The following CSMD3 variants were observed in gnomAD, a reference collection of about 807,000 sequenced individuals.
CSMD3 encodes the protein CUB and Sushi multiple domains 3, also known as CUB and sushi domain-containing protein 3.
Under a neutral mutation model 435.2 loss-of-function variants are expected in CSMD3, and 177 were observed. The ratio of observed to expected loss-of-function variants is 0.41; its 90% confidence interval spans 0.36 to 0.46. The LOEUF is 0.46. Ranked by LOEUF, CSMD3 falls within the 20% of genes least tolerant of loss-of-function variation. The pLI is 0.34. For missense variants in CSMD3, 4,265 were observed against 4,504.6 expected (o/e 0.95, Z 1.52); for synonymous variants, 1,656 against 1,520.5 (o/e 1.09, Z -2.07).
intron 32 of CSMD3, among the ~76,000 whole-genome samples, chr8:112,421,386 T>C (rs1169744120): frequency 6.6e-6 from 1 of 151,244 alleles, no homozygotes; most frequent in Non-Finnish European, 1.5e-5. Context: ...CTACTAAAAA[T>C]ACAAAAAATT....
chr8:112,587,337 G>T, intron 22 of CSMD3, 102 bp from the exon 23 acceptor site: 1 of 850,610 alleles, frequency 1.2e-6, no homozygotes, highest in Non-Finnish European at 2.0e-6. Context: ...TTTACCTAAA[G>T]CCTAGTAGAA....
At position 112,224,382 on chromosome 8, in the gene CSMD3, G is replaced by GT; in HGVS notation, c.*388dup. ...AGAAGTCAGTGATCTATTGACTCTT[G>GT]TAAGTATAGCTCTTATTTCTACCCT... is the stretch of plus-strand genomic sequence containing the variant. On this transcript the variant is annotated 3_prime_UTR_variant, in exon 71 of 71. Transcript: ENST00000297405. 7.4e-6 allele frequency: 2 copies of GT among 269,134 alleles called. No homozygotes were observed. The highest frequency in any genetic ancestry group is 1.5e-5 in the Non-Finnish European group (2 of 136,170). 16.7% of individuals were successfully genotyped at this position (269,134 alleles called of 1,614,324 possible).
At chr8:112,755,339 A>ATAATAT (rs1446880746) in intron 13 of CSMD3, among the ~76,000 whole-genome samples, 2 of 119,362 alleles carry the variant, frequency 1.7e-5, no homozygotes, top group Non-Finnish European at 3.4e-5. Flanking sequence ...TCAAATAATA[A>ATAATAT]TAATAATAAT....
intron 4 of CSMD3, among the ~76,000 whole-genome samples, chr8:113,111,702 G>C (rs1459351519): frequency 1.3e-5 from 2 of 152,058 alleles, no homozygotes; most frequent in Non-Finnish European, 2.9e-5. Flanking sequence ...TATTTTTTGA[G>C]AGGGAGTCTC....
intron 35 of CSMD3, among the ~76,000 whole-genome samples, chr8:112,395,229 A>C (rs1328804690): frequency 3.3e-5 from 5 of 152,172 alleles, no homozygotes; most frequent in Admixed American, 1.3e-4. Flanking sequence ...CCTAAGTTCA[A>C]ATCCAATTCT....
chr8:112,986,063 A>G (rs1323944014), intron 6 of CSMD3, among the ~76,000 whole-genome samples: 1 of 152,178 alleles, frequency 6.6e-6, no homozygotes, highest in African/African-American at 2.4e-5. Context: ...AAGCAAGACA[A>G]ACATTTAACT....
intron 32 of CSMD3, among the ~76,000 whole-genome samples, chr8:112,462,880 A>G (rs1817590796): frequency 6.6e-6 from 1 of 152,114 alleles, no homozygotes; most frequent in African/African-American, 2.4e-5. Context: ...TCACCTGTAC[A>G]CAGAAACTCT....
At chr8:112,880,917 A>G (rs1019557533) in intron 10 of CSMD3, among the ~76,000 whole-genome samples, 1 of 152,064 alleles carries the variant, frequency 6.6e-6, no homozygotes, top group Admixed American at 6.6e-5. Flanking sequence ...TAAAATCCTT[A>G]AAAATGTAGC....
chr8:113,124,267 G>A (rs753883463), intron 4 of CSMD3, among the ~76,000 whole-genome samples: 2 of 151,942 alleles, frequency 1.3e-5, no homozygotes, highest in African/African-American at 2.4e-5. Flanking sequence ...TTTGCTAAAT[G>A]AGGTTCACAT....
intron 3 of CSMD3, among the ~76,000 whole-genome samples, chr8:113,250,680 T>C (rs960007112): frequency 6.6e-6 from 1 of 152,056 alleles, no homozygotes; most frequent in Non-Finnish European, 1.5e-5. Context: ...AAATGTAGAG[T>C]ATACATTCAA....
At chr8:112,908,942 T>C (rs1471030854) in intron 10 of CSMD3, among the ~76,000 whole-genome samples, 3 of 151,568 alleles carry the variant, frequency 2.0e-5, no homozygotes, top group African/African-American at 4.8e-5. Flanking sequence ...TAATGGTAAG[T>C]GAGAAGATTT....
At chr8:112,845,457 G>T (rs1051252148) in intron 11 of CSMD3, among the ~76,000 whole-genome samples, 1 of 152,034 alleles carries the variant, frequency 6.6e-6, no homozygotes, top group African/African-American at 2.4e-5. Context: ...CTGGAGATGT[G>T]TAAACAAAGT....
chr8:113,148,020 A>G (rs1398585067), intron 4 of CSMD3, among the ~76,000 whole-genome samples: 2 of 151,602 alleles, frequency 1.3e-5, no homozygotes, highest in African/African-American at 4.8e-5. Flanking sequence ...TATATATAAT[A>G]CCTTACACTC....
At chr8:112,377,551 A>T (rs1252714950) in intron 38 of CSMD3, among the ~76,000 whole-genome samples, 1 of 152,172 alleles carries the variant, frequency 6.6e-6, no homozygotes, top group African/African-American at 2.4e-5. Flanking sequence ...AGAAAAGAAA[A>T]GTATAATCCA....
chr8:113,180,211 A>G (rs923447073), intron 3 of CSMD3, among the ~76,000 whole-genome samples: 1 of 152,026 alleles, frequency 6.6e-6, no homozygotes, highest in Non-Finnish European at 1.5e-5. Flanking sequence ...AAGCTGAAAC[A>G]AAACGTTTTG....
intron 1 of CSMD3, among the ~76,000 whole-genome samples, chr8:113,432,310 G>T (rs760314101): frequency 1.3e-5 from 2 of 152,128 alleles, no homozygotes; most frequent in Non-Finnish European, 2.9e-5. Context: ...GTGGTGCAAA[G>T]CCTCCCCAAA....
chr8:112,392,107 CAGTT>C (rs1186985475), intron 35 of CSMD3, among the ~76,000 whole-genome samples: 1 of 152,006 alleles, frequency 6.6e-6, no homozygotes, highest in Admixed American at 6.6e-5. Flanking sequence ...CCTTGGAAAA[CAGTT>C]AGAAATCAAT....
At chr8:113,172,992 C>A (rs1335493876) in intron 4 of CSMD3, among the ~76,000 whole-genome samples, 1 of 152,122 alleles carries the variant, frequency 6.6e-6, no homozygotes, top group Non-Finnish European at 1.5e-5. Context: ...TACAAATAAT[C>A]TTAATAGTAT....
intron 13 of CSMD3, among the ~76,000 whole-genome samples, chr8:112,738,650 G>C (rs2077237340): frequency 6.6e-6 from 1 of 151,612 alleles, no homozygotes; most frequent in Non-Finnish European, 1.5e-5. Context: ...TCAAACATGA[G>C]AGGAAAGATG....
Sources: gnomAD v4.1 joint callset for allele counts (sites outside exome capture counted in the v4.1 genomes callset) on GRCh38, gnomAD v4.1.1 for gene constraint, MANE v1.5 for transcripts, NCBI Gene and HGNC (gene_info 2026-07-23, HGNC 2026-07-21) for gene names.